HECTD4: variants seen among roughly 807,000 people sequenced by gnomAD.
HECTD4 encodes HECT domain E3 ubiquitin protein ligase 4, also known as probable E3 ubiquitin-protein ligase HECTD4.
In HECTD4, 114 loss-of-function variants were observed where a neutral mutation model predicts 471.5. That is an observed-to-expected ratio of 0.24 (90% CI 0.21 to 0.28). The LOEUF (loss-of-function observed/expected upper bound fraction) is 0.28, where lower values mean the gene tolerates loss of function less well. Ranked by LOEUF, HECTD4 falls within the 10% of genes least tolerant of loss-of-function variation. HECTD4 has a pLI of 1.00. For synonymous variants in HECTD4, 2,012 were observed against 2,256.0 expected (o/e 0.89, Z 3.07); for missense variants, 3,866 against 5,651.5 (o/e 0.68, Z 10.13).
At chr12:112,268,176 G>A (rs572725950) in intron 13 of HECTD4, among the ~76,000 whole-genome samples, 2 of 152,088 alleles carry the variant, frequency 1.3e-5, no homozygotes, top group Non-Finnish European at 2.9e-5. Flanking sequence ...CATATTTACA[G>A]TGTACAATCT....
chr12:112,181,155 G>A (rs1291338619), intron 62 of HECTD4, among the ~76,000 whole-genome samples: 9 of 148,276 alleles, frequency 6.1e-5, no homozygotes, highest in African/African-American at 2.2e-4. Context: ...GTGACAGAGT[G>A]AGACTCCATC....
intron 11 of HECTD4, among the ~76,000 whole-genome samples, chr12:112,272,839 C>A (rs1381301782): frequency 6.6e-6 from 1 of 152,204 alleles, no homozygotes; most frequent in African/African-American, 2.4e-5. Context: ...GGTTTTTCCA[C>A]GCTCTGCTCC....
At chr12:112,269,984 C>T (rs568864713) in intron 12 of HECTD4, 135 bp from the exon 13 acceptor site, 4 of 774,550 alleles carry the variant, frequency 5.2e-6, no homozygotes, top group Non-Finnish European at 8.3e-6. Context: ...ATCTCTTCTA[C>T]TGTGTAACGG....
At chr12:112,277,808 T>C (rs905756978) in intron 9 of HECTD4, among the ~76,000 whole-genome samples, 1 of 152,236 alleles carries the variant, frequency 6.6e-6, no homozygotes, top group East Asian at 1.9e-4. Flanking sequence ...TAACTCTCCA[T>C]AATGTGTCAA....
At chr12:112,312,100 T>C (rs1594034599) in intron 4 of HECTD4, among the ~76,000 whole-genome samples, 1 of 151,946 alleles carries the variant, frequency 6.6e-6, no homozygotes, top group East Asian at 1.9e-4. Flanking sequence ...CCATGGAAAG[T>C]GGGAAATGAA....
rs2031178688 is a variant in HECTD4 at position 112,170,635 on chromosome 12, C to T, written c.11933-183G>A. ...CCCAGCATATACCCTTTGTCATTCC[C>T]AGGAGACATCCAATTTCTAGAAACA... On this transcript the variant is annotated intron_variant, in intron 68 of 75. Transcript: ENST00000682272. 1.1e-5 allele frequency: 7 copies of T among 629,526 alleles called. No homozygotes were observed. In the South Asian group the frequency reaches 1.5e-4, roughly 13 times the overall value. The allele number at this position is 629,526 out of a possible 1,614,324, so 39.0% of individuals were successfully genotyped here.
At chr12:112,328,130 T>G (rs2035782374) in intron 1 of HECTD4, among the ~76,000 whole-genome samples, 1 of 151,296 alleles carries the variant, frequency 6.6e-6, no homozygotes, top group Non-Finnish European at 1.5e-5. Context: ...ATTTATTTAT[T>G]TATTTATTTA....
At chr12:112,290,869 A>AAAAAAAAAAAAC (rs1202955175) in intron 7 of HECTD4, among the ~76,000 whole-genome samples, 1 of 151,544 alleles carries the variant, frequency 6.6e-6, no homozygotes, top group African/African-American at 2.4e-5. Flanking sequence ...AAAACAAAAA[A>AAAAAAAAAAAAC]AAAAAACAAA....
At chr12:112,203,409 C>G (rs2032488042) in intron 54 of HECTD4, 2 of 420,970 alleles carry the variant, frequency 4.8e-6, no homozygotes, top group Non-Finnish European at 8.5e-6. Flanking sequence ...AAGGCGGCCA[C>G]AGCTTTGAGA....
intron 13 of HECTD4, among the ~76,000 whole-genome samples, chr12:112,268,338 G>A (rs1019034614): frequency 3.3e-5 from 5 of 152,138 alleles, no homozygotes; most frequent in Non-Finnish European, 7.4e-5. Context: ...AATGTGCTGT[G>A]GAAGGAAAAC....
chr12:112,206,946 TA>T (rs1209276810), intron 52 of HECTD4, among the ~76,000 whole-genome samples: 4 of 152,172 alleles, frequency 2.6e-5, no homozygotes, highest in Admixed American at 2.6e-4. Context: ...GAGCAGAGTT[TA>T]AAAGGGTGCT....
intron 7 of HECTD4, among the ~76,000 whole-genome samples, chr12:112,296,704 G>A (rs976934473): frequency 1.3e-5 from 2 of 149,798 alleles, no homozygotes; most frequent in African/African-American, 4.9e-5. Context: ...GAGGGTGTAG[G>A]TGCAGTGGAT....
chr12:112,291,455 G>A (rs905469339), intron 7 of HECTD4, among the ~76,000 whole-genome samples: 1 of 151,918 alleles, frequency 6.6e-6, no homozygotes. Context: ...CTTTTTACAG[G>A]CCAGGTGCAG....
chr12:112,363,851 CT>C lies in HECTD4; in HGVS notation c.177+18100del, dbSNP rs545217284. ...TTAACCAGGCAGTGGTGGCGTGCGC[CT>C]GCAATCCTAGCTACTCAGGAGGCTG... On this transcript the variant is annotated intron_variant, in intron 1 of 75. Transcript: ENST00000682272. Among the ~76,000 whole-genome samples, 169 of 151,872 alleles carry C rather than the reference CT, an allele frequency of 1.1e-3. 2 individuals are homozygous for C. Among genetic ancestry groups the C allele is most frequent in the African/African-American group, 3.9e-3 (161 of 41,416 alleles).
intron 22 of HECTD4, among the ~76,000 whole-genome samples, chr12:112,253,369 C>T (rs2033938733): frequency 6.6e-6 from 1 of 150,714 alleles, no homozygotes; most frequent in African/African-American, 2.4e-5. Flanking sequence ...AGGTGATCTG[C>T]CCGCCACAGC....
chr12:112,283,133 T>C lies in HECTD4; in HGVS notation c.1505A>G (p.Asn502Ser). ...ACCTGCTTGATCCTCTTTCAGTGTG[T>C]TGGAGATGGTGGAACCAGTCAGGGC... ...LAALTGSTIS[N>S]TLKEDQAANT... The change falls in exon 8 of 76, where the codon AAC becomes AGC. Residue 502 changes from asparagine (N) to serine (S), a missense_variant. Coordinates refer to ENST00000682272, the MANE Select transcript of HECTD4 (RefSeq NM_001388303.1). 1.2e-6 allele frequency: 2 copies of C among 1,613,436 alleles called. No individual in the cohort carries two copies. Among genetic ancestry groups the C allele is most frequent in the South Asian group, 1.1e-5 (1 of 91,038 alleles).
chr12:112,214,850 G>C (rs961031905), intron 48 of HECTD4, among the ~76,000 whole-genome samples: 6 of 152,096 alleles, frequency 3.9e-5, no homozygotes, highest in Admixed American at 2.6e-4. Context: ...CTTGGCTTGA[G>C]TAAAAACACT....
rs57209316 is a variant in HECTD4 at position 112,189,550 on chromosome 12, CAA to C, written c.9472+1234_9472+1235del. ...TGGGCGACAGAGCGAGACTCCGTCT[CAA>C]AAAAAAAAAAAAAAAAAAAAAAAGA... On this transcript the variant is annotated intron_variant, in intron 60 of 75. Transcript: ENST00000682272. Among the ~76,000 whole-genome samples, 8 of 30,458 alleles carry C rather than the reference CAA, an allele frequency of 2.6e-4. No homozygotes were observed. In the East Asian group the frequency reaches 2.8e-3, roughly 10 times the overall value. The allele number at this position is 30,458 out of a possible 152,430, so 20.0% of individuals were successfully genotyped here. A position where few individuals can be genotyped will look rare whatever the true frequency, so the allele number is the denominator to read the frequency against.
chr12:112,168,583 A>ACCCAGTGTGGGGG (rs1285117289), intron 70 of HECTD4, among the ~76,000 whole-genome samples: 1 of 152,048 alleles, frequency 6.6e-6, no homozygotes, highest in Non-Finnish European at 1.5e-5. Flanking sequence ...CCATGTGGAA[A>ACCCAGTGTGGGGG]CCCAGTGTGG....
Sources: allele counts gnomAD v4.1 joint callset (sites outside exome capture counted in the v4.1 genomes callset), GRCh38; gene constraint gnomAD v4.1.1; transcripts MANE v1.5; gene names NCBI Gene and HGNC (gene_info 2026-07-23, HGNC 2026-07-21).